The following H2BC17 variants were observed in gnomAD, a reference collection of about 807,000 sequenced individuals.
The protein encoded by H2BC17 is H2B clustered histone 17.
A neutral mutation model predicts 6.1 loss-of-function variants in H2BC17; 11 were observed. The ratio of observed to expected loss-of-function variants is 1.79; its 90% CI spans 1.13 to 2.97. The LOEUF (loss-of-function observed/expected upper bound fraction) is 2.97. Among genes scored for constraint, H2BC17 ranks in the 30% most tolerant of loss-of-function variants. The probability of loss-of-function intolerance (pLI) is 0.00; values close to 1 mark genes in which losing one functional copy is unlikely to be tolerated. For synonymous variants in H2BC17, 103 were observed against 74.5 expected (o/e 1.38, Z -1.97); for missense variants, 171 against 171.6 (o/e 1.00, Z 0.02).
chr6:27,893,614 C>T lies in H2BC17; in HGVS notation c.152C>T (p.Pro51Leu). The T allele has an allele frequency of 6.2e-7, 1 of 1,614,254 alleles. No homozygotes were observed. Among genetic ancestry groups the T allele is most frequent in the Non-Finnish European group, 8.5e-7 (1 of 1,180,052 alleles). ...YVYKVLKQVH[P>L]DTGISSKAMG... Reference sequence around the variant, plus strand: ...TACAAGGTGCTGAAGCAAGTCCACCCCGACACCGGCATCTCATCGAAGGCC... The same window carrying T: ...TACAAGGTGCTGAAGCAAGTCCACCTCGACACCGGCATCTCATCGAAGGCC... Residue 51 changes from proline (P) to leucine (L), a missense_variant, in exon 1 of 1, where the codon CCC (proline) becomes CTC (leucine). Physicochemically the swap from Pro to Leu is moderately conservative, Grantham distance 98. Transcript: ENST00000616182.
At position 27,893,552 on chromosome 6, in the gene H2BC17, C is replaced by T; in HGVS notation, c.90C>T (p.Arg30=). The change falls in exon 1 of 1, where the codon CGC becomes CGT. Residue 30 remains arginine, a synonymous_variant. Transcript: ENST00000616182. The part of the protein sequence containing the change: ...TKAQKKDGKK[R]KRSRKESYSI... ...CCCAGAAAAAGGACGGCAAGAAGCG[C>T]AAGCGCAGCCGCAAAGAGAGTTACT... The T allele has an allele frequency of 6.2e-7, 1 of 1,614,230 alleles. No individual in the cohort carries two copies.
chr6:27,893,839 A>G lies in H2BC17; in HGVS notation c.377A>G (p.Lys126Arg). ...TKAVTKYTSS[K>R] ...GCCGTCACCAAGTACACCAGCTCCA[A>G]GTGAGCTCTCGCAGCTGCCAGCAAT... Residue 126 changes from lysine to arginine, a missense_variant, in exon 1 of 1, where the codon AAG becomes AGG. Physicochemically the swap from Lys to Arg is conservative, Grantham distance 26 (BLOSUM62 2). Transcript: ENST00000616182. 6.2e-7 allele frequency: 1 copy of G among 1,614,218 alleles called. No individual in the cohort carries two copies. The highest frequency in any genetic ancestry group is 8.5e-7 in the Non-Finnish European group (1 of 1,180,042).
At position 27,893,681 on chromosome 6, in the gene H2BC17, C is replaced by T. The variant is rs1351995147; in HGVS notation, c.219C>T (p.Arg73=). Residue 73 remains arginine (R), a synonymous_variant, in exon 1 of 1, where the codon CGC becomes CGT. Transcript: ENST00000616182. ...MNSFVNDIFE[R]IAGEASRLAH... ...CCTTCGTCAATGACATCTTTGAGCG[C>T]ATCGCTGGCGAGGCTTCCCGCCTGG... The T allele has an allele frequency of 1.9e-6, 3 of 1,614,290 alleles. No individual in the cohort carries two copies. The highest frequency in any genetic ancestry group is 1.1e-5 in the South Asian group (1 of 91,092).
chr6:27,893,781 C>T lies in H2BC17; in HGVS notation c.319C>T (p.Leu107=), dbSNP rs565479130. The change falls in exon 1 of 1, where the codon CTG becomes TTG. Residue 107 remains leucine (L), a synonymous_variant. Transcript: ENST00000616182. ...TAVRLLLPGE[L]AKHAVSEGTK... is the part of the protein sequence containing the mutation. ...CGTGCGCCTGCTGCTGCCCGGGGAGCTGGCCAAGCACGCCGTGTCCGAGGG... is the reference window on the plus strand; with the variant it reads ...CGTGCGCCTGCTGCTGCCCGGGGAGTTGGCCAAGCACGCCGTGTCCGAGGG... The T allele has an allele frequency of 1.2e-6, 2 of 1,614,244 alleles. No individual in the cohort carries two copies. Among genetic ancestry groups the T allele is most frequent in the South Asian group, 1.1e-5 (1 of 91,088 alleles).
Position 27,893,801 on chromosome 6 carries a change from C to T in H2BC17, c.339C>T (p.Ser113=), listed in dbSNP as rs1434670633. The T allele has an allele frequency of 1.2e-6, 2 of 1,614,222 alleles. No individual in the cohort carries two copies. The highest frequency in any genetic ancestry group is 8.5e-7 in the Non-Finnish European group (1 of 1,180,034). ...GGGAGCTGGCCAAGCACGCCGTGTC[C>T]GAGGGCACAAAGGCCGTCACCAAGT... ...LPGELAKHAV[S]EGTKAVTKYT... is the part of the protein sequence containing the mutation. The change falls in exon 1 of 1, where the codon TCC becomes TCT. Residue 113 remains serine, a synonymous_variant. Transcript: ENST00000616182.
chr6:27,893,451 C>T lies in H2BC17; in HGVS notation c.-12C>T, dbSNP rs192571385. On this transcript the variant is annotated 5_prime_UTR_variant, in exon 1 of 1. Coordinates refer to ENST00000616182, the MANE Select transcript of H2BC17 (RefSeq NM_003527.4). ...TTCTTGTTATTTGAGTGCTCTTTCA[C>T]TCTCCTCCGCCATGCCCGACCCGGC... 1.3e-6 allele frequency: 2 copies of T among 1,584,486 alleles called. No homozygotes were observed. The highest frequency in any genetic ancestry group is 1.8e-5 in the Admixed American group (1 of 54,778).
chr6:27,893,577 T>A lies in H2BC17; in HGVS notation c.115T>A (p.Ser39Thr), dbSNP rs1761941497. 1.9e-6 allele frequency: 3 copies of A among 1,613,348 alleles called. No homozygotes were observed. Among genetic ancestry groups the A allele is most frequent in the Non-Finnish European group, 2.5e-6 (3 of 1,179,492 alleles). Residue 39 changes from serine to threonine, a missense_variant, in exon 1 of 1, where the codon TCT becomes ACT. Transcript: ENST00000616182. ...KRKRSRKESY[S>T]IYVYKVLKQV... ...CAAGCGCAGCCGCAAAGAGAGTTAC[T>A]CTATCTACGTGTACAAGGTGCTGAA...
chr6:27,893,726 G>C lies in H2BC17; in HGVS notation c.264G>C (p.Ser88=). Residue 88 remains serine (S), a synonymous_variant, in exon 1 of 1, where the codon TCG becomes TCC. Coordinates refer to ENST00000616182, the MANE Select transcript of H2BC17 (RefSeq NM_003527.4). ...GCCTGGCGCATTACAACAAGCGCTC[G>C]ACCATCACCTCCAGGGAGATCCAGA... ...ASRLAHYNKR[S]TITSREIQTA... is the part of the protein sequence containing the mutation. 6.2e-7 allele frequency: 1 copy of C among 1,614,252 alleles called. No individual in the cohort carries two copies. The highest frequency in any genetic ancestry group is 8.5e-7 in the Non-Finnish European group (1 of 1,180,042).
chr6:27,893,717 C>G lies in H2BC17; in HGVS notation c.255C>G (p.Asn85Lys). The G allele has an allele frequency of 6.2e-7, 1 of 1,614,272 alleles. No individual in the cohort carries two copies. Residue 85 changes from asparagine to lysine, a missense_variant, in exon 1 of 1, where the codon AAC (asparagine) becomes AAG (lysine). Asn to Lys is a moderately conservative substitution (Grantham distance 94, BLOSUM62 0). Transcript: ENST00000616182. Reference protein sequence around the residue: ...AGEASRLAHYNKRSTITSREI... With the variant: ...AGEASRLAHYKKRSTITSREI... ...AGGCTTCCCGCCTGGCGCATTACAA[C>G]AAGCGCTCGACCATCACCTCCAGGG...
At position 27,893,816 on chromosome 6, in the gene H2BC17, C is replaced by T. The variant is rs1761947072; in HGVS notation, c.354C>T (p.Ala118=). 6.2e-7 allele frequency: 1 copy of T among 1,614,236 alleles called. No homozygotes were observed. Among genetic ancestry groups the T allele is most frequent in the Non-Finnish European group, 8.5e-7 (1 of 1,180,040 alleles). ...ACGCCGTGTCCGAGGGCACAAAGGCCGTCACCAAGTACACCAGCTCCAAGT... is the reference window on the plus strand; with the variant it reads ...ACGCCGTGTCCGAGGGCACAAAGGCTGTCACCAAGTACACCAGCTCCAAGT... The part of the protein sequence containing the change: ...AKHAVSEGTK[A]VTKYTSSK Residue 118 remains alanine, a synonymous_variant, in exon 1 of 1, where the codon GCC becomes GCT. Transcript: ENST00000616182.
chr6:27,893,501 G>C lies in H2BC17; in HGVS notation c.39G>C (p.Lys13Asn), dbSNP rs771431606. ...CTAAATCTGCTCCTGCCCCCAAAAA[G>C]GGCTCCAAGAAAGCCGTAACCAAGG... The part of the protein sequence containing the change: ...DPAKSAPAPK[K>N]GSKKAVTKAQ... The change falls in exon 1 of 1, where the codon AAG becomes AAC. Residue 13 changes from lysine to asparagine, a missense_variant. By Grantham distance (94) the Lys-to-Asn change is moderately conservative (BLOSUM62 0). Coordinates refer to ENST00000616182, the MANE Select transcript of H2BC17 (RefSeq NM_003527.4). 6.2e-7 allele frequency: 1 copy of C among 1,612,510 alleles called. No homozygotes were observed. The highest frequency in any genetic ancestry group is 1.3e-5 in the African/African-American group (1 of 74,740).
In H2BC17 at chr6:27,893,580, A is replaced by G. The variant is rs770182703; in HGVS notation, c.118A>G (p.Ile40Val). ...RKRSRKESYS[I>V]YVYKVLKQVH... ...GCGCAGCCGCAAAGAGAGTTACTCT[A>G]TCTACGTGTACAAGGTGCTGAAGCA... The change falls in exon 1 of 1, where the codon ATC (isoleucine) becomes GTC (valine). Residue 40 changes from isoleucine (I) to valine (V), a missense_variant. Physicochemically the swap from Ile to Val is conservative, Grantham distance 29 (BLOSUM62 3). Transcript: ENST00000616182. 2 of 1,613,424 alleles carry G rather than the reference A, an allele frequency of 1.2e-6. No individual in the cohort carries two copies. Among genetic ancestry groups the G allele is most frequent in the African/African-American group, 1.3e-5 (1 of 74,950 alleles).
rs751793402 is a variant in H2BC17 at position 27,893,742 on chromosome 6, G to T, written c.280G>T (p.Glu94Ter). 1 of 1,614,252 alleles carries T rather than the reference G, an allele frequency of 6.2e-7. No homozygotes were observed. ...YNKRSTITSR[E>*]IQTAVRLLLP... ...CAAGCGCTCGACCATCACCTCCAGG[G>T]AGATCCAGACGGCCGTGCGCCTGCT... The change falls in exon 1 of 1, where the codon GAG becomes TAG. Residue 94 changes from glutamate (E) to a stop codon, truncating the protein, a stop_gained. Transcript: ENST00000616182. LOFTEE classifies it high-confidence loss of function.
rs1761945719 is a variant in H2BC17, at chr6:27,893,737, C to G, written c.275C>G (p.Ser92Cys). Residue 92 changes from serine to cysteine, a missense_variant, in exon 1 of 1, where the codon TCC (serine) becomes TGC (cysteine). Transcript: ENST00000616182. The stretch of plus-strand genomic sequence containing the variant: ...TACAACAAGCGCTCGACCATCACCT[C>G]CAGGGAGATCCAGACGGCCGTGCGC... ...AHYNKRSTIT[S>C]REIQTAVRLL... The G allele has an allele frequency of 6.2e-7, 1 of 1,614,152 alleles. No individual in the cohort carries two copies. Among genetic ancestry groups the G allele is most frequent in the African/African-American group, 1.3e-5 (1 of 74,956 alleles).
Position 27,893,670 on chromosome 6 carries a change from A to G in H2BC17, c.208A>G (p.Ile70Val). 6.2e-7 allele frequency: 1 copy of G among 1,614,254 alleles called. No homozygotes were observed. The highest frequency in any genetic ancestry group is 8.5e-7 in the Non-Finnish European group (1 of 1,180,034). The change falls in exon 1 of 1, where the codon ATC becomes GTC. Residue 70 changes from isoleucine to valine, a missense_variant. Coordinates refer to ENST00000616182, the MANE Select transcript of H2BC17 (RefSeq NM_003527.4). ...MGIMNSFVND[I>V]FERIAGEASR... Reference sequence around the variant, plus strand: ...CATCATGAACTCCTTCGTCAATGACATCTTTGAGCGCATCGCTGGCGAGGC... The same window carrying G: ...CATCATGAACTCCTTCGTCAATGACGTCTTTGAGCGCATCGCTGGCGAGGC...
rs148188690 is a variant in H2BC17 at position 27,893,731 on chromosome 6, T to C, written c.269T>C (p.Ile90Thr). 3.0e-4 allele frequency: 479 copies of C among 1,614,108 alleles called. 1 individual carries two copies. The highest frequency in any genetic ancestry group is 3.5e-4 in the Admixed American group (21 of 60,010). ...GCGCATTACAACAAGCGCTCGACCA[T>C]CACCTCCAGGGAGATCCAGACGGCC... ...RLAHYNKRST[I>T]TSREIQTAVR... The change falls in exon 1 of 1, where the codon ATC becomes ACC. Residue 90 changes from isoleucine to threonine, a missense_variant. Transcript: ENST00000616182.
chr6:27,893,853 G>A lies in H2BC17; in HGVS notation c.*10G>A, dbSNP rs2113588097. 1 of 1,614,196 alleles carries A rather than the reference G, an allele frequency of 6.2e-7. No homozygotes were observed. On this transcript the variant is annotated 3_prime_UTR_variant, in exon 1 of 1. Coordinates refer to ENST00000616182, the MANE Select transcript of H2BC17 (RefSeq NM_003527.4). Reference sequence around the variant, plus strand: ...CACCAGCTCCAAGTGAGCTCTCGCAGCTGCCAGCAATCCAAAGGCTCTTTT... The same window carrying A: ...CACCAGCTCCAAGTGAGCTCTCGCAACTGCCAGCAATCCAAAGGCTCTTTT...
rs747039292 is a variant in H2BC17, at chr6:27,893,565, A to C, written c.103A>C (p.Lys35Gln). 2 of 1,614,226 alleles carry C rather than the reference A, an allele frequency of 1.2e-6. No homozygotes were observed. The highest frequency in any genetic ancestry group is 1.1e-5 in the South Asian group (1 of 91,086). The change falls in exon 1 of 1, where the codon AAA (lysine) becomes CAA (glutamine). Residue 35 changes from lysine (K) to glutamine (Q), a missense_variant. By Grantham distance (53) the Lys-to-Gln change is moderately conservative. Transcript: ENST00000616182. Reference protein sequence around the residue: ...KDGKKRKRSRKESYSIYVYKV... With the variant: ...KDGKKRKRSRQESYSIYVYKV... ...CGGCAAGAAGCGCAAGCGCAGCCGC[A>C]AAGAGAGTTACTCTATCTACGTGTA...
Position 27,893,871 on chromosome 6 carries a change from G to A in H2BC17, c.*28G>A. 6.2e-7 allele frequency: 1 copy of A among 1,613,806 alleles called. No homozygotes were observed. The highest frequency in any genetic ancestry group is 8.5e-7 in the Non-Finnish European group (1 of 1,179,928). On this transcript the variant is annotated 3_prime_UTR_variant, in exon 1 of 1. Coordinates refer to ENST00000616182, the MANE Select transcript of H2BC17 (RefSeq NM_003527.4). ...TCTCGCAGCTGCCAGCAATCCAAAG[G>A]CTCTTTTCAGAGCCACTCACGCTTC...
Sources: gnomAD v4.1 joint callset for allele counts on GRCh38, gnomAD v4.1.1 for gene constraint, MANE v1.5 for transcripts, NCBI Gene and HGNC (gene_info 2026-07-23, HGNC 2026-07-21) for gene names.